KIF26B: variants seen among roughly 807,000 people sequenced by gnomAD.
KIF26B encodes the protein kinesin-like protein KIF26B.
KIF26B carries 63 observed loss-of-function variants against 151.2 expected under a neutral mutation model. That is an observed-to-expected ratio of 0.42 (90% CI 0.34 to 0.51). The LOEUF is 0.51. KIF26B is among the 20% of genes least tolerant of loss of function. KIF26B has a pLI of 0.07. For missense variants in KIF26B, 2,813 were observed against 2,913.6 expected (o/e 0.97, Z 0.79); for synonymous variants, 1,357 against 1,262.1 (o/e 1.08, Z -1.59).
chr1:245,627,242 A>G (rs1363271914), intron 9 of KIF26B, among the ~76,000 whole-genome samples: 1 of 152,110 alleles, frequency 6.6e-6, no homozygotes, highest in Non-Finnish European at 1.5e-5. Context: ...TTTAAATTCC[A>G]TGAAGAATGT....
chr1:245,336,019 A>G lies in KIF26B; in HGVS notation c.466-30815A>G, dbSNP rs1428855898. ...AGGGAAAGGAGAGTCCCACGCAGGG[A>G]GAGTCCCACGCAGGGAAAGGAGGGT... On this transcript the variant is annotated intron_variant, in intron 2 of 14. Coordinates refer to ENST00000407071, the MANE Select transcript of KIF26B (RefSeq NM_018012.4). Among the ~76,000 whole-genome samples, 4 of 121,616 alleles carry G rather than the reference A, an allele frequency of 3.3e-5. No homozygotes were observed. In the East Asian group the frequency reaches 1.0e-3, roughly 31 times the overall value. 79.8% of individuals were successfully genotyped at this position (121,616 alleles called of 152,430 possible).
chr1:245,590,407 G>C (rs1256060248), intron 5 of KIF26B, among the ~76,000 whole-genome samples: 3 of 152,214 alleles, frequency 2.0e-5, no homozygotes, highest in African/African-American at 2.4e-5. Context: ...TAATTAAGGA[G>C]CGTCCACTGC....
In KIF26B at chr1:245,598,081, CT is replaced by C. The variant is rs1231143158; in HGVS notation, c.1351-4493del. Among the ~76,000 whole-genome samples the C allele has an allele frequency of 9.2e-5, 14 of 152,104 alleles. No individual in the cohort carries two copies. In the East Asian group the frequency reaches 2.7e-3, roughly 30 times the overall value. Reference sequence around the variant, plus strand: ...CCTTGTATTGGGTTAGAGCATGCTCCTTTAGTTCAGATAGAGAGATGATAAG... The same window carrying C: ...CCTTGTATTGGGTTAGAGCATGCTCCTTAGTTCAGATAGAGAGATGATAAG... On this transcript the variant is annotated intron_variant, in intron 5 of 14. Transcript: ENST00000407071.
chr1:245,249,757 A>T (rs552714489), intron 2 of KIF26B, among the ~76,000 whole-genome samples: 4 of 152,208 alleles, frequency 2.6e-5, no homozygotes, highest in Non-Finnish European at 5.9e-5. Flanking sequence ...TGTTGGGATT[A>T]CAGGCGTGAG....
rs541795461 is a variant in KIF26B at position 245,372,875 on chromosome 1, A to G, written c.999+5508A>G. 3.3e-5 allele frequency among the ~76,000 whole-genome samples: 5 copies of G among 152,334 alleles called. No individual in the cohort carries two copies. In the South Asian group the frequency reaches 8.3e-4, roughly 25 times the overall value. On this transcript the variant is annotated intron_variant, in intron 3 of 14. Coordinates refer to ENST00000407071, the MANE Select transcript of KIF26B (RefSeq NM_018012.4). The stretch of plus-strand genomic sequence containing the variant: ...GTTCAAGCCTGTGGTCCCACCAACT[A>G]TTAAACCAGTTTAGTAGCTTGACAT...
In KIF26B at chr1:245,333,084, G is replaced by A. The variant is rs115325855; in HGVS notation, c.466-33750G>A. On this transcript the variant is annotated intron_variant, in intron 2 of 14. Coordinates refer to ENST00000407071, the MANE Select transcript of KIF26B (RefSeq NM_018012.4). Reference sequence around the variant, plus strand: ...TCAGCATGCAGGAGAAAAGCAGAACGGAGACAGTGTGGCTGGATTGATAGA... The same window carrying A: ...TCAGCATGCAGGAGAAAAGCAGAACAGAGACAGTGTGGCTGGATTGATAGA... 6.0e-3 allele frequency among the ~76,000 whole-genome samples: 909 copies of A among 152,174 alleles called. 11 individuals carry two copies. Among genetic ancestry groups the A allele is most frequent in the African/African-American group, 0.021 (866 of 41,502 alleles).
At chr1:245,398,936 T>C (rs1322585135) in intron 3 of KIF26B, among the ~76,000 whole-genome samples, 1 of 152,158 alleles carries the variant, frequency 6.6e-6, no homozygotes, top group African/African-American at 2.4e-5. Context: ...CCATTAGCCT[T>C]TATCCTGAAG....
intron 4 of KIF26B, among the ~76,000 whole-genome samples, chr1:245,484,793 A>ATTATTATTATTC (rs1316870686): frequency 4.1e-5 from 6 of 145,254 alleles, no homozygotes; most frequent in Non-Finnish European, 7.6e-5. Context: ...TATTATTATT[A>ATTATTATTATTC]TTCTTTTAAT....
intron 4 of KIF26B, chr1:245,510,987 C>T (rs1417885376): frequency 3.0e-6 from 2 of 670,180 alleles, no homozygotes; most frequent in Non-Finnish European, 5.5e-6. Context: ...TTCACCTTCG[C>T]ACAATTTTAC....
chr1:245,485,678 C>G (rs999529581), intron 4 of KIF26B, among the ~76,000 whole-genome samples: 1 of 152,030 alleles, frequency 6.6e-6, no homozygotes, highest in East Asian at 1.9e-4. Flanking sequence ...GCCACCGTGC[C>G]TGGCCTTCAA....
In KIF26B at chr1:245,199,025, G is replaced by T. The variant is rs1227441568; in HGVS notation, c.465+42342G>T. On this transcript the variant is annotated intron_variant, in intron 2 of 14. Transcript: ENST00000407071. ...CCAAGCAGGGGACAGACTAGGTGGG[G>T]CCTCAGGGCATCTAAGTTCACTTCA... Among the ~76,000 whole-genome samples, 7 of 151,920 alleles carry T rather than the reference G, an allele frequency of 4.6e-5. No individual in the cohort carries two copies. In the South Asian group the frequency reaches 1.5e-3, roughly 32 times the overall value.
At chr1:245,447,250 A>G (rs1225332939) in intron 4 of KIF26B, among the ~76,000 whole-genome samples, 2 of 152,200 alleles carry the variant, frequency 1.3e-5, no homozygotes, top group Admixed American at 1.3e-4. Flanking sequence ...CTTGAGACTG[A>G]TGGTGCTAAG....
intron 4 of KIF26B, among the ~76,000 whole-genome samples, chr1:245,502,223 T>C (rs1043698793): frequency 6.6e-6 from 1 of 151,966 alleles, no homozygotes; most frequent in South Asian, 2.1e-4. Flanking sequence ...AGTGAGGGGA[T>C]GTTATGTTGA....
In KIF26B at chr1:245,584,173, C is replaced by T. The variant is rs116163516; in HGVS notation, c.1351-18404C>T. 9.4e-4 allele frequency among the ~76,000 whole-genome samples: 143 copies of T among 152,210 alleles called. 1 individual carries two copies. The highest frequency in any genetic ancestry group is 2.0e-3 in the Admixed American group (30 of 15,296). The stretch of plus-strand genomic sequence containing the variant: ...TCCGGTCATTTAAAAGTGTGTGTTT[C>T]CTGCCCCGTCTCATGCTCCCATTCT... On this transcript the variant is annotated intron_variant, in intron 5 of 14. Transcript: ENST00000407071.
At chr1:245,253,897 C>T (rs1443151364) in intron 2 of KIF26B, among the ~76,000 whole-genome samples, 1 of 150,290 alleles carries the variant, frequency 6.7e-6, no homozygotes, top group Admixed American at 6.6e-5. Flanking sequence ...GCCAGCTCCA[C>T]CTCCCGGGTT....
rs751629341 is a variant in KIF26B at position 245,640,124 on chromosome 1, T to G, written c.2099-5997T>G. ...CCTGTTTAGATCTACTAATATTTGC[T>G]CTCTCTCTCTCTCTCTCTCTATATA... On this transcript the variant is annotated intron_variant, in intron 9 of 14. Transcript: ENST00000407071. 1.1e-4 allele frequency among the ~76,000 whole-genome samples: 6 copies of G among 55,990 alleles called. No homozygotes were observed. In the East Asian group the frequency reaches 4.2e-3, roughly 39 times the overall value. 36.7% of individuals were successfully genotyped at this position (55,990 alleles called of 152,430 possible).
At chr1:245,155,524 A>C (rs781366006) in intron 1 of KIF26B, 37 bp downstream of exon 1, 3 of 1,560,666 alleles carry the variant, frequency 1.9e-6, no homozygotes, top group Non-Finnish European at 2.6e-6. Context: ...ACGCGTTACC[A>C]GACCCATCTC....
At chr1:245,255,421 C>T (rs1670514740) in intron 2 of KIF26B, among the ~76,000 whole-genome samples, 1 of 152,210 alleles carries the variant, frequency 6.6e-6, no homozygotes, top group African/African-American at 2.4e-5. Context: ...CTGATTGGAG[C>T]TGTGTGAAAC....
intron 9 of KIF26B, among the ~76,000 whole-genome samples, chr1:245,612,815 T>TA (rs1317921235): frequency 6.6e-6 from 1 of 152,198 alleles, no homozygotes; most frequent in African/African-American, 2.4e-5. Flanking sequence ...AAAACCCAGG[T>TA]ACGGTGCCTG....
Sources: allele counts gnomAD v4.1 joint callset (sites outside exome capture counted in the v4.1 genomes callset), GRCh38; gene constraint gnomAD v4.1.1; transcripts MANE v1.5; gene names NCBI Gene and HGNC (gene_info 2026-07-23, HGNC 2026-07-21).